The following STAG1 variants were observed in gnomAD, a reference collection of about 807,000 sequenced individuals.
The protein encoded by STAG1 is cohesin subunit SA-1.
A neutral mutation model predicts 170.9 loss-of-function variants in STAG1; 26 were observed. The ratio of observed to expected loss-of-function variants is 0.15; its 90% CI spans 0.11 to 0.21. STAG1 has a LOEUF of 0.21. STAG1 is among the 10% of genes least tolerant of loss of function. STAG1 has a pLI of 1.00. For synonymous variants in STAG1, 514 were observed against 497.7 expected (o/e 1.03, Z -0.44); for missense variants, 964 against 1,509.5 (o/e 0.64, Z 5.99).
At chr3:136,688,349 A>C (rs1942607409) in intron 1 of STAG1, among the ~76,000 whole-genome samples, 1 of 152,194 alleles carries the variant, frequency 6.6e-6, no homozygotes, top group African/African-American at 2.4e-5. Context: ...ATCTTCATCT[A>C]CCAGGAGTGC....
chr3:136,459,220 G>GAAAAAAAAAAAAAAA (rs769155825), intron 13 of STAG1, among the ~76,000 whole-genome samples: 1 of 91,536 alleles, frequency 1.1e-5, no homozygotes, highest in African/African-American at 3.6e-5. Flanking sequence ...CTGTCTTAAA[G>GAAAAAAAAAAAAAAA]AAAAAAAAAA....
At chr3:136,702,103 GAGAGAGAGAGAGAGAGAGAC>G (rs1485423766) in intron 1 of STAG1, among the ~76,000 whole-genome samples, 1,104 of 104,686 alleles carry the variant, frequency 0.011, 11 homozygotes, top group African/African-American at 0.039. Context: ...GAGAGAGAGA[GAGAGAGAGAGAGAGAGAGAC>G]AGAGAGACAG....
intron 1 of STAG1, among the ~76,000 whole-genome samples, chr3:136,652,642 A>G (rs1941254958): frequency 6.6e-6 from 1 of 152,220 alleles, no homozygotes; most frequent in Non-Finnish European, 1.5e-5. Context: ...CAGAATCTAC[A>G]AATTATTAGA....
intron 21 of STAG1, among the ~76,000 whole-genome samples, chr3:136,407,519 T>C (rs1028343755): frequency 4.6e-5 from 7 of 152,058 alleles, no homozygotes; most frequent in African/African-American, 1.7e-4. Context: ...TGGAGTACAA[T>C]GGTGCGATCT....
chr3:136,339,042 A>T (rs549189490), intron 32 of STAG1, among the ~76,000 whole-genome samples: 1 of 152,258 alleles, frequency 6.6e-6, no homozygotes, highest in East Asian at 1.9e-4. Context: ...CAGGGCCTTT[A>T]AAGAGGTAAT....
intron 13 of STAG1, among the ~76,000 whole-genome samples, 177 bp from the exon 14 acceptor site, chr3:136,452,324 G>A (rs891756803): frequency 6.6e-6 from 1 of 151,906 alleles, no homozygotes; most frequent in Admixed American, 6.6e-5. Context: ...CAGCACTCTG[G>A]GAGGCCGAGG....
Position 136,559,897 on chromosome 3 carries a change from GTTAT to G in STAG1, c.394+8864_394+8867del, listed in dbSNP as rs1406101341. Reference sequence around the variant, plus strand: ...GTACACACATTAGTAAGTAACTGCAGTTATTTGAGACATGAATACAATTTTTTTC... The same window carrying G: ...GTACACACATTAGTAAGTAACTGCAGTTGAGACATGAATACAATTTTTTTC... On this transcript the variant is annotated intron_variant, in intron 5 of 33. Coordinates refer to ENST00000383202, the MANE Select transcript of STAG1 (RefSeq NM_005862.3). 2.0e-5 allele frequency among the ~76,000 whole-genome samples: 3 copies of G among 152,300 alleles called. No individual in the cohort carries two copies. In the East Asian group the frequency reaches 5.8e-4, roughly 29 times the overall value.
intron 10 of STAG1, among the ~76,000 whole-genome samples, chr3:136,474,426 G>A (rs1187912631): frequency 6.6e-6 from 1 of 152,138 alleles, no homozygotes; most frequent in Non-Finnish European, 1.5e-5. Context: ...TGATACTCAG[G>A]TTTCTTGTTT....
At chr3:136,614,051 CTAAAAATACAAA>C (rs1939453372) in intron 3 of STAG1, among the ~76,000 whole-genome samples, 2 of 152,104 alleles carry the variant, frequency 1.3e-5, no homozygotes, top group South Asian at 4.1e-4. Context: ...CCCGTCTACA[CTAAAAATACAAA>C]AAATTAGCCA....
intron 3 of STAG1, among the ~76,000 whole-genome samples, chr3:136,611,377 G>A (rs1040744363): frequency 6.6e-6 from 1 of 152,054 alleles, no homozygotes; most frequent in Non-Finnish European, 1.5e-5. Flanking sequence ...TCGAACTCCC[G>A]ACCTCAGGTG....
At chr3:136,689,630 C>T (rs996580490) in intron 1 of STAG1, among the ~76,000 whole-genome samples, 3 of 152,136 alleles carry the variant, frequency 2.0e-5, no homozygotes, top group Admixed American at 6.5e-5. Flanking sequence ...TCTGGCTGAT[C>T]GCTCTTAAAT....
At chr3:136,609,851 C>T (rs1939177164) in intron 3 of STAG1, among the ~76,000 whole-genome samples, 2 of 151,954 alleles carry the variant, frequency 1.3e-5, no homozygotes, top group Admixed American at 6.6e-5. Context: ...TTGTCGGAGG[C>T]TTTGACTGTG....
rs1213395611 is a variant in STAG1, at chr3:136,699,032, G to A, written c.-84+53163C>T. On this transcript the variant is annotated intron_variant, in intron 1 of 33. Transcript: ENST00000383202. ...AAGCTATGAGGACATAAAGGCGTAA[G>A]AATGATATAATGAACTTTGGGGATT... Among the ~76,000 whole-genome samples, 5 of 152,094 alleles carry A rather than the reference G, an allele frequency of 3.3e-5. No individual in the cohort carries two copies. In the South Asian group the frequency reaches 1.0e-3, roughly 31 times the overall value.
intron 1 of STAG1, among the ~76,000 whole-genome samples, chr3:136,696,551 A>G (rs1942897028): frequency 6.6e-6 from 1 of 152,156 alleles, no homozygotes; most frequent in African/African-American, 2.4e-5. Flanking sequence ...ATAATGAGTC[A>G]GTGTAGGTTC....
intron 28 of STAG1, among the ~76,000 whole-genome samples, chr3:136,351,152 C>A (rs528813801): frequency 6.6e-6 from 1 of 151,572 alleles, no homozygotes; most frequent in Non-Finnish European, 1.5e-5. Context: ...TTCATTTGAA[C>A]GTAGCCTACC....
intron 22 of STAG1, among the ~76,000 whole-genome samples, chr3:136,392,207 C>T (rs1433752286): frequency 6.6e-6 from 1 of 152,032 alleles, no homozygotes; most frequent in Non-Finnish European, 1.5e-5. Flanking sequence ...CAATGAAAAA[C>T]ACAGAACAAG....
intron 6 of STAG1, among the ~76,000 whole-genome samples, chr3:136,531,088 G>A (rs1201817801): frequency 7.9e-5 from 12 of 152,130 alleles, no homozygotes; most frequent in Non-Finnish European, 4.4e-5. Flanking sequence ...TGGGCAACAA[G>A]AGCGAAACTC....
At chr3:136,461,647 G>A (rs2089277933) in intron 13 of STAG1, among the ~76,000 whole-genome samples, 1 of 151,354 alleles carries the variant, frequency 6.6e-6, no homozygotes, top group South Asian at 2.1e-4. Context: ...ATTAGTCTGG[G>A]TAGAGTTTTG....
intron 3 of STAG1, among the ~76,000 whole-genome samples, chr3:136,613,777 T>A (rs1016639477): frequency 1.1e-4 from 17 of 152,204 alleles, no homozygotes; most frequent in Non-Finnish European, 2.4e-4. Context: ...TGTGCGCCAC[T>A]GTGCCCGGCC....
Sources: allele counts gnomAD v4.1 joint callset (sites outside exome capture counted in the v4.1 genomes callset), GRCh38; gene constraint gnomAD v4.1.1; transcripts MANE v1.5; gene names NCBI Gene and HGNC (gene_info 2026-07-23, HGNC 2026-07-21).